Variants in CAST observed in about 807,000 individuals in gnomAD.
CAST encodes MIR583 host.
A neutral mutation model predicts 119.6 loss-of-function variants in CAST; 76 were observed. The observed-to-expected ratio is 0.64, with a 90% confidence interval of 0.53 to 0.77. CAST has a LOEUF of 0.77. Ranked by LOEUF, CAST falls within the 30% of genes least tolerant of loss-of-function variation. The pLI, the probability that CAST is intolerant of heterozygous loss-of-function variation, is 0.00. For missense variants in CAST, 953 were observed against 946.5 expected, an observed-to-expected ratio of 1.01 and a Z score of -0.09; for synonymous variants, 319 against 331.6, an observed-to-expected ratio of 0.96 and a Z score of 0.41.
intron 1 of CAST, among the ~76,000 whole-genome samples, chr5:96,579,263 G>T (rs1033609341): frequency 5.9e-5 from 9 of 152,138 alleles, no homozygotes; most frequent in African/African-American, 1.4e-4. Context: ...TGCTGCCCTG[G>T]TGTCCCTGGG....
chr5:96,348,732 A>T, the CAST span, among the ~76,000 whole-genome samples: 4 of 152,246 alleles, frequency 2.6e-5, no homozygotes, highest in Admixed American at 2.6e-4. Context: ...GGCAATGGCA[A>T]TGAGGAAGAC....
At chr5:96,588,776 C>T (rs758110816) in intron 1 of CAST, among the ~76,000 whole-genome samples, 10 of 152,170 alleles carry the variant, frequency 6.6e-5, no homozygotes, top group Non-Finnish European at 1.5e-4. Flanking sequence ...TAGTCATTCA[C>T]TTTGTCCCAT....
rs771151888 is a variant in CAST at position 96,766,126 on chromosome 5, T to C, written c.2111T>C (p.Leu704Pro). 1.2e-5 allele frequency: 19 copies of C among 1,604,866 alleles called. No individual in the cohort carries two copies. In the African/African-American group the frequency reaches 1.9e-4, roughly 16 times the overall value. ...ACTATCCCACCTGAATACAGACATC[T>C]CCTGGATGATAATGGACAGGTAAAC... ...DDTIPPEYRH[L>P]LDDNGQDKPV... Residue 704 changes from leucine to proline, a missense_variant, in exon 27 of 32, where the codon CTC (leucine) becomes CCC (proline). Physicochemically the swap from Leu to Pro is moderately conservative, Grantham distance 98. Transcript: ENST00000675179.
chr5:96,405,666 G>A, the CAST span, among the ~76,000 whole-genome samples: 1 of 152,128 alleles, frequency 6.6e-6, no homozygotes, highest in Non-Finnish European at 1.5e-5. Context: ...GTGAGACACT[G>A]TCTCCAAAAG....
chr5:95,977,153 A>T, the CAST span, among the ~76,000 whole-genome samples: 1 of 152,236 alleles, frequency 6.6e-6, no homozygotes, highest in African/African-American at 2.4e-5. Flanking sequence ...GCTATAACAA[A>T]ATATTAATGC....
the CAST span, among the ~76,000 whole-genome samples, chr5:96,359,403 A>G: frequency 1.3e-5 from 2 of 152,144 alleles, no homozygotes; most frequent in Admixed American, 1.3e-4. Context: ...TTTGCCCATT[A>G]GTTGATGCAG....
chr5:96,048,355 G>T, the CAST span, among the ~76,000 whole-genome samples: 2 of 152,186 alleles, frequency 1.3e-5, no homozygotes, highest in Non-Finnish European at 2.9e-5. Flanking sequence ...GATGAGAAGA[G>T]TGATGCCAGA....
At chr5:96,383,832 G>C in the CAST span, among the ~76,000 whole-genome samples, 1 of 152,188 alleles carries the variant, frequency 6.6e-6, no homozygotes, top group Non-Finnish European at 1.5e-5. Context: ...GAGACCAGGG[G>C]CACTCTGTTG....
At chr5:96,421,836 G>T in the CAST span, 1 of 1,015,484 alleles carries the variant, frequency 9.8e-7, no homozygotes, top group Non-Finnish European at 1.6e-6. Context: ...CAAGATAAAA[G>T]CATTGTAAAG....
the CAST span, among the ~76,000 whole-genome samples, chr5:96,286,349 T>A: frequency 6.6e-6 from 1 of 152,208 alleles, no homozygotes; most frequent in Admixed American, 6.5e-5. Context: ...AAGATATTAC[T>A]TTTCTTGTCA....
chr5:96,713,618 T>C (rs978499676), intron 3 of CAST, among the ~76,000 whole-genome samples: 1 of 152,146 alleles, frequency 6.6e-6, no homozygotes, highest in African/African-American at 2.4e-5. Flanking sequence ...TGTAAAATAA[T>C]GTTGCAGGTT....
At chr5:96,669,667 G>A (rs1274089571) in intron 1 of CAST, among the ~76,000 whole-genome samples, 1 of 152,212 alleles carries the variant, frequency 6.6e-6, no homozygotes, top group Non-Finnish European at 1.5e-5. Flanking sequence ...AAACACTGGT[G>A]TAGACATAGG....
the CAST span, among the ~76,000 whole-genome samples, chr5:96,152,871 T>C: frequency 6.6e-6 from 1 of 152,182 alleles, no homozygotes; most frequent in African/African-American, 2.4e-5. Flanking sequence ...CCTGCACCAC[T>C]TAGTGAGGAA....
the CAST span, among the ~76,000 whole-genome samples, chr5:96,144,609 T>A: frequency 6.6e-6 from 1 of 152,198 alleles, no homozygotes; most frequent in Non-Finnish European, 1.5e-5. Context: ...TTGGCCTCTT[T>A]TGCTTCTTTC....
At chr5:96,380,728 A>G in the CAST span, among the ~76,000 whole-genome samples, 6 of 152,222 alleles carry the variant, frequency 3.9e-5, no homozygotes, top group African/African-American at 1.4e-4. Context: ...TAGAGGTTTT[A>G]TTATGAAATT....
At chr5:95,990,495 T>C in the CAST span, among the ~76,000 whole-genome samples, 3 of 151,870 alleles carry the variant, frequency 2.0e-5, no homozygotes, top group Non-Finnish European at 2.9e-5. Flanking sequence ...TATTGAAAAA[T>C]AGTAGAAAGA....
the CAST span, among the ~76,000 whole-genome samples, chr5:96,518,416 C>A: frequency 6.6e-6 from 1 of 152,196 alleles, no homozygotes; most frequent in South Asian, 2.1e-4. Context: ...TCAACACCTT[C>A]CTACTTCAGT....
chr5:96,280,229 A>G, the CAST span, among the ~76,000 whole-genome samples: 1 of 152,094 alleles, frequency 6.6e-6, no homozygotes, highest in Non-Finnish European at 1.5e-5. Flanking sequence ...ATTCTCTGGT[A>G]CTCAACGTTG....
At chr5:96,536,026 T>C (rs1192534372) in intron 1 of CAST, among the ~76,000 whole-genome samples, 1 of 137,462 alleles carries the variant, frequency 7.3e-6, no homozygotes, top group African/African-American at 2.7e-5. Flanking sequence ...TGTTAAATAT[T>C]TAAGGTTTTT....
Sources: allele counts gnomAD v4.1 joint callset (sites outside exome capture counted in the v4.1 genomes callset), GRCh38; gene constraint gnomAD v4.1.1; transcripts MANE v1.5; gene names NCBI Gene and HGNC (gene_info 2026-07-23, HGNC 2026-07-21).